SYNDIG1: variants seen among roughly 807,000 people sequenced by gnomAD.
SYNDIG1 encodes the protein synapse differentiation inducing 1.
In SYNDIG1, 9 loss-of-function variants were observed where a neutral mutation model predicts 19.4. The observed-to-expected ratio is 0.46, with a 90% CI of 0.28 to 0.81. SYNDIG1 has a LOEUF of 0.81. SYNDIG1 is among the 30% of genes least tolerant of loss of function. The pLI is 0.12. For missense variants in SYNDIG1, 311 were observed against 343.3 expected, an observed-to-expected ratio of 0.91 and a Z score of 0.74; for synonymous variants, 141 against 145.9, an observed-to-expected ratio of 0.97 and a Z score of 0.24.
At chr20:24,519,822 C>T (rs193148709) in intron 1 of SYNDIG1, among the ~76,000 whole-genome samples, 10 of 151,906 alleles carry the variant, frequency 6.6e-5, no homozygotes, top group Admixed American at 2.6e-4. Flanking sequence ...GACAGACACA[C>T]GCACGCACGC....
intron 1 of SYNDIG1, among the ~76,000 whole-genome samples, chr20:24,512,517 C>G (rs1272521425): frequency 6.6e-6 from 1 of 151,978 alleles, no homozygotes; most frequent in Non-Finnish European, 1.5e-5. Context: ...CCGAGGGTCC[C>G]ACGCCCACGG....
At chr20:24,618,344 G>A (rs2058980929) in intron 3 of SYNDIG1, among the ~76,000 whole-genome samples, 2 of 146,738 alleles carry the variant, frequency 1.4e-5, no homozygotes. Flanking sequence ...GGAGCGAGGA[G>A]ATCCCGGGGA....
intron 1 of SYNDIG1, among the ~76,000 whole-genome samples, chr20:24,494,164 C>T (rs1406198525): frequency 5.3e-5 from 8 of 152,098 alleles, no homozygotes; most frequent in Non-Finnish European, 1.5e-5. Context: ...CGGGGCGGCG[C>T]GCATGGCCGA....
At chr20:24,497,057 A>C (rs566525530) in intron 1 of SYNDIG1, among the ~76,000 whole-genome samples, 1 of 152,262 alleles carries the variant, frequency 6.6e-6, no homozygotes, top group East Asian at 1.9e-4. Context: ...CTATCTTAGG[A>C]GATAGAATTT....
intron 3 of SYNDIG1, among the ~76,000 whole-genome samples, chr20:24,590,782 G>T (rs563759504): frequency 2.6e-4 from 39 of 152,324 alleles, no homozygotes; most frequent in African/African-American, 8.2e-4. Context: ...TGGGCCGAGG[G>T]TAGGAGTGTA....
intron 3 of SYNDIG1, among the ~76,000 whole-genome samples, chr20:24,615,492 C>T (rs1219144123): frequency 6.6e-6 from 1 of 152,210 alleles, no homozygotes; most frequent in African/African-American, 2.4e-5. Context: ...TCTGTGAAGA[C>T]TGTAGGGCTT....
intron 2 of SYNDIG1, among the ~76,000 whole-genome samples, chr20:24,569,401 T>C (rs950319412): frequency 2.6e-5 from 4 of 152,176 alleles, no homozygotes; most frequent in Non-Finnish European, 5.9e-5. Context: ...ATATGATTAA[T>C]TCACTTATAA....
chr20:24,627,939 G>A (rs1372711896), intron 3 of SYNDIG1, among the ~76,000 whole-genome samples: 5 of 152,254 alleles, frequency 3.3e-5, no homozygotes, highest in African/African-American at 1.2e-4. Flanking sequence ...AACTTGAAGA[G>A]GAGGCTCTCT....
At chr20:24,501,532 A>T (rs987053701) in intron 1 of SYNDIG1, among the ~76,000 whole-genome samples, 2 of 152,134 alleles carry the variant, frequency 1.3e-5, no homozygotes, top group Admixed American at 1.3e-4. Flanking sequence ...TAGAGTAGGG[A>T]CTGGGGACAG....
At chr20:24,625,473 T>A (rs2059110886) in intron 3 of SYNDIG1, among the ~76,000 whole-genome samples, 1 of 141,916 alleles carries the variant, frequency 7.0e-6, no homozygotes, top group South Asian at 2.2e-4. Context: ...GGAGGGAAGG[T>A]CAGCAGATAA....
chr20:24,643,581 G>A (rs1313367944), intron 3 of SYNDIG1, among the ~76,000 whole-genome samples: 2 of 152,218 alleles, frequency 1.3e-5, no homozygotes, highest in Admixed American at 1.3e-4. Flanking sequence ...GGTTACTTTG[G>A]TCAACACCCT....
chr20:24,493,454 G>A (rs1290741299), intron 1 of SYNDIG1, among the ~76,000 whole-genome samples: 2 of 151,894 alleles, frequency 1.3e-5, no homozygotes, highest in African/African-American at 4.8e-5. Flanking sequence ...GGCATACACA[G>A]GTACACACAC....
chr20:24,504,703 G>A (rs151126340), intron 1 of SYNDIG1, among the ~76,000 whole-genome samples: 68 of 152,324 alleles, frequency 4.5e-4, no homozygotes, highest in Non-Finnish European at 6.9e-4. Flanking sequence ...GGCCAGTCAC[G>A]AGGGAACATA....
intron 2 of SYNDIG1, among the ~76,000 whole-genome samples, chr20:24,573,170 A>G (rs1288066189): frequency 2.0e-5 from 3 of 152,240 alleles, no homozygotes; most frequent in East Asian, 3.8e-4. Flanking sequence ...AGCAACGTAC[A>G]TTGTAAGCAG....
chr20:24,502,746 A>C (rs987458327), intron 1 of SYNDIG1, among the ~76,000 whole-genome samples: 1 of 152,170 alleles, frequency 6.6e-6, no homozygotes, highest in Non-Finnish European at 1.5e-5. Context: ...GTGCATTGCC[A>C]TTTGGCTTCT....
intron 3 of SYNDIG1, among the ~76,000 whole-genome samples, chr20:24,622,423 C>T (rs1443197332): frequency 6.6e-6 from 1 of 152,210 alleles, no homozygotes; most frequent in South Asian, 2.1e-4. Context: ...CTCCAGGCCA[C>T]AGACCAGTAC....
intron 2 of SYNDIG1, among the ~76,000 whole-genome samples, chr20:24,551,239 C>A (rs898959542): frequency 6.6e-6 from 1 of 152,108 alleles, no homozygotes; most frequent in African/African-American, 2.4e-5. Context: ...TTATTCTTGT[C>A]CCAGTTTTAG....
At chr20:24,512,976 G>T (rs917879895) in intron 1 of SYNDIG1, among the ~76,000 whole-genome samples, 2 of 152,186 alleles carry the variant, frequency 1.3e-5, no homozygotes, top group Non-Finnish European at 2.9e-5. Flanking sequence ...TGCAATATTT[G>T]CTGTTCTGCA....
intron 2 of SYNDIG1, among the ~76,000 whole-genome samples, chr20:24,567,003 C>G (rs2058056061): frequency 6.6e-6 from 1 of 152,180 alleles, no homozygotes; most frequent in Admixed American, 6.5e-5. Flanking sequence ...GCCACATGGC[C>G]TGACCCCTTG....
Sources: gnomAD v4.1 joint callset for allele counts (sites outside exome capture counted in the v4.1 genomes callset) on GRCh38, gnomAD v4.1.1 for gene constraint, MANE v1.5 for transcripts, NCBI Gene and HGNC (gene_info 2026-07-23, HGNC 2026-07-21) for gene names.